MTA3: variants seen among roughly 807,000 people sequenced by gnomAD.
MTA3 encodes the protein metastasis-associated protein MTA3.
In MTA3, 34 loss-of-function variants were observed where a neutral mutation model predicts 83.5. That is an observed-to-expected ratio of 0.41 (90% CI 0.31 to 0.54). The LOEUF (loss-of-function observed/expected upper bound fraction) is 0.54. Ranked by LOEUF, MTA3 falls within the 20% of genes least tolerant of loss-of-function variation. MTA3 has a pLI of 0.33. For synonymous variants in MTA3, 303 were observed against 252.7 expected (o/e 1.20, Z -1.89); for missense variants, 761 against 726.4 (o/e 1.05, Z -0.55).
At position 42,740,104 on chromosome 2, in the gene MTA3, G is replaced by C. The variant is rs182586587; in HGVS notation, c.1760-13270G>C. Among the ~76,000 whole-genome samples the C allele has an allele frequency of 7.9e-5, 12 of 152,358 alleles. No homozygotes were observed. The East Asian group carries it at 1.7e-3, about 22-fold the overall frequency. ...ATGTTCTAATGGCATCTATAAAGGTGAGTCCTCTCTAGCAGGTTTTCAGTT... is the reference window on the plus strand; with the variant it reads ...ATGTTCTAATGGCATCTATAAAGGTCAGTCCTCTCTAGCAGGTTTTCAGTT... On this transcript the variant is annotated intron_variant, in intron 16 of 16. Coordinates refer to ENST00000405094, the MANE Select transcript of MTA3 (RefSeq NM_001330442.2).
intron 9 of MTA3, chr2:42,682,794 C>G: frequency 1.9e-6 from 1 of 519,306 alleles, no homozygotes; most frequent in Non-Finnish European, 3.4e-6. Context: ...GCTATCAGGC[C>G]GGGTACGGTG....
chr2:42,664,084 C>G (rs1205989697), intron 8 of MTA3, among the ~76,000 whole-genome samples: 1 of 152,154 alleles, frequency 6.6e-6, no homozygotes, highest in Non-Finnish European at 1.5e-5. Context: ...CCTCTTCTAT[C>G]TACCCTTCCA....
chr2:42,526,442 G>T (rs1430472633), intron 2 of MTA3, among the ~76,000 whole-genome samples: 2 of 152,164 alleles, frequency 1.3e-5, no homozygotes, highest in Non-Finnish European at 2.9e-5. Flanking sequence ...GTCCTGCCAA[G>T]ATGATCAGTA....
In MTA3 at chr2:42,755,711, A is replaced by G; in HGVS notation, c.*2312A>G. 1 of 985,606 alleles carries G rather than the reference A, an allele frequency of 1.0e-6. No individual in the cohort carries two copies. The highest frequency in any genetic ancestry group is 1.2e-6 in the Non-Finnish European group (1 of 830,060). The allele number at this position is 985,606 out of a possible 1,614,324, so 61.1% of individuals were successfully genotyped here. A position where few individuals can be genotyped will look rare whatever the true frequency, so the allele number is the denominator to read the frequency against. ...GCATTTGGTGCTGAGAGGGTTTCCC[A>G]GCCACCCGCTCCCTTTCTGGGGCCA... On this transcript the variant is annotated 3_prime_UTR_variant, in exon 17 of 17. Transcript: ENST00000405094.
At chr2:42,566,119 TTTATAG>T (rs1677900701), upstream of MTA3, among the ~76,000 whole-genome samples, 1 of 152,188 alleles carries the variant, frequency 6.6e-6, no homozygotes, top group African/African-American at 2.4e-5. Flanking sequence ...GCTCAAGGTC[TTTATAG>T]TTAAACTGCC....
At chr2:42,625,135 G>T (rs1685947250) in intron 4 of MTA3, among the ~76,000 whole-genome samples, 1 of 151,854 alleles carries the variant, frequency 6.6e-6, no homozygotes, top group South Asian at 2.1e-4. Context: ...AGATTCAAGC[G>T]ATTCTCCTGC....
intron 4 of MTA3, among the ~76,000 whole-genome samples, chr2:42,618,996 A>T (rs1445036628): frequency 6.6e-6 from 1 of 152,158 alleles, no homozygotes; most frequent in Non-Finnish European, 1.5e-5. Flanking sequence ...CATTACTTGC[A>T]TTGGTAGCTG....
At chr2:42,746,378 C>T (rs1203743792) in intron 16 of MTA3, among the ~76,000 whole-genome samples, 1 of 152,148 alleles carries the variant, frequency 6.6e-6, no homozygotes, top group Non-Finnish European at 1.5e-5. Context: ...TCTCACTGAA[C>T]AACAATCGAC....
At position 42,561,998 on chromosome 2, in the gene MTA3, G is replaced by A. The variant is rs559618421; in HGVS notation, c.-140-8439G>A. On this transcript the variant is annotated intron_variant, in intron 2 of 17. Coordinates refer to the MTA3 transcript ENST00000405592. The stretch of plus-strand genomic sequence containing the variant: ...AAGCTTGAAAGCAAGGTGTCAGTAG[G>A]GTTAGTCCTGGAGTCTCTGGGGGAC... Among the ~76,000 whole-genome samples, 8 of 152,224 alleles carry A rather than the reference G, an allele frequency of 5.3e-5. No homozygotes were observed. The East Asian group carries it at 1.5e-3, about 29-fold the overall frequency.
At chr2:42,583,291 T>C (rs928329818) in intron 3 of MTA3, among the ~76,000 whole-genome samples, 1 of 152,196 alleles carries the variant, frequency 6.6e-6, no homozygotes, top group Middle Eastern at 3.2e-3. Context: ...CAAAGGCAAC[T>C]ATATATCCGG....
At chr2:42,692,933 CT>C (rs1693037859) in intron 9 of MTA3, among the ~76,000 whole-genome samples, 1 of 152,198 alleles carries the variant, frequency 6.6e-6, no homozygotes, top group Non-Finnish European at 1.5e-5. Flanking sequence ...CTTGAAAAGG[CT>C]TTCTAAAGGA....
intron 2 of MTA3, among the ~76,000 whole-genome samples, chr2:42,506,460 T>G (rs879228746): frequency 6.6e-6 from 1 of 151,318 alleles, no homozygotes. Context: ...TCTCAAATAT[T>G]ATATATATAT....
intron 5 of MTA3, among the ~76,000 whole-genome samples, chr2:42,642,845 A>G (rs1215365440): frequency 6.6e-6 from 1 of 151,994 alleles, no homozygotes; most frequent in Non-Finnish European, 1.5e-5. Flanking sequence ...GGATTTCACC[A>G]TGTTGGCGAG....
At chr2:42,570,835 A>T (rs1172889637) in intron 2 of MTA3, among the ~76,000 whole-genome samples, 1 of 151,524 alleles carries the variant, frequency 6.6e-6, no homozygotes, top group Non-Finnish European at 1.5e-5. Context: ...ACATGGAGAA[A>T]CCCCGTCTGT....
chr2:42,538,760 T>TTTC (rs1349160582), intron 2 of MTA3, among the ~76,000 whole-genome samples: 3 of 98,216 alleles, frequency 3.1e-5, no homozygotes, highest in Non-Finnish European at 6.5e-5. Context: ...AAAAAAATGT[T>TTTC]TTTTTTGTTT....
chr2:42,722,812 T>A (rs1048998910), intron 15 of MTA3, 77 bp from the exon 16 acceptor site: 14 of 1,481,294 alleles, frequency 9.5e-6, no homozygotes, highest in Admixed American at 6.2e-5. Flanking sequence ...ATAAGATGTG[T>A]GCCTATTAGC....
At chr2:42,731,132 T>A (rs1322640139) in intron 16 of MTA3, among the ~76,000 whole-genome samples, 1 of 152,212 alleles carries the variant, frequency 6.6e-6, no homozygotes, top group Non-Finnish European at 1.5e-5. Context: ...TGATTTTGTT[T>A]ATAATTTCAA....
intron 2 of MTA3, among the ~76,000 whole-genome samples, chr2:42,558,127 G>C (rs956157634): frequency 1.5e-4 from 23 of 151,814 alleles, no homozygotes; most frequent in African/African-American, 5.1e-4. Context: ...GTACTTCCCT[G>C]ACATTTTTCA....
chr2:42,722,811 G>A (rs2104542867), intron 15 of MTA3, 78 bp from the exon 16 acceptor site: 2 of 1,477,508 alleles, frequency 1.4e-6, no homozygotes, highest in Non-Finnish European at 1.8e-6. Context: ...AATAAGATGT[G>A]TGCCTATTAG....
Sources: allele counts gnomAD v4.1 joint callset (sites outside exome capture counted in the v4.1 genomes callset), GRCh38; gene constraint gnomAD v4.1.1; transcripts MANE v1.5; gene names NCBI Gene and HGNC (gene_info 2026-07-23, HGNC 2026-07-21).